ME1: variants seen among roughly 807,000 people sequenced by gnomAD.
ME1 encodes the protein NADP-dependent malic enzyme.
Under a neutral mutation model 66.4 loss-of-function variants are expected in ME1, and 74 were observed. That is an observed-to-expected ratio of 1.11 (90% CI 0.92 to 1.35). The LOEUF (loss-of-function observed/expected upper bound fraction) is 1.35. ME1 is among the 40% of genes most tolerant of loss of function. ME1 has a pLI of 0.00. For synonymous variants in ME1, 251 were observed against 235.6 expected (o/e 1.07, Z -0.60); for missense variants, 750 against 694.1 (o/e 1.08, Z -0.90).
At chr6:83,309,821 C>G (rs1767897995) in intron 6 of ME1, among the ~76,000 whole-genome samples, 1 of 151,974 alleles carries the variant, frequency 6.6e-6, no homozygotes, top group African/African-American at 2.4e-5. Flanking sequence ...AAGGAATAAG[C>G]TGAGGAAAAC....
intron 2 of ME1, among the ~76,000 whole-genome samples, chr6:83,403,452 G>A (rs565425617): frequency 6.6e-6 from 1 of 152,262 alleles, no homozygotes; most frequent in South Asian, 2.1e-4. Context: ...TCACATGAGG[G>A]AAAGGGAAAG....
chr6:83,340,984 C>A lies in ME1; in HGVS notation c.600+5189G>T, dbSNP rs571781736. ...CAACCAGTTTGAATAAGGGCCTAAT[C>A]CTTTTATCTAGTAGCTTAGCGACCA... On this transcript the variant is annotated intron_variant, in intron 5 of 13. Transcript: ENST00000369705. Among the ~76,000 whole-genome samples, 4 of 152,068 alleles carry A rather than the reference C, an allele frequency of 2.6e-5. No individual in the cohort carries two copies. In the South Asian group the frequency reaches 8.3e-4, roughly 32 times the overall value.
In ME1 at chr6:83,216,498, C is replaced by A; in HGVS notation, c.1548G>T (p.Lys516Asn). The A allele has an allele frequency of 6.3e-7, 1 of 1,594,378 alleles. No individual in the cohort carries two copies. The highest frequency in any genetic ancestry group is 8.5e-7 in the Non-Finnish European group (1 of 1,170,636). The change falls in exon 13 of 14, where the codon AAG becomes AAT. Residue 516 changes from lysine (K) to asparagine (N), a missense_variant and splice_region_variant. Lys to Asn is a moderately conservative substitution (Grantham distance 94, BLOSUM62 0). Coordinates refer to ENST00000369705, the MANE Select transcript of ME1 (RefSeq NM_002395.6). Reference sequence around the variant, plus strand: ...GAAGCTTGAACAAGAGTGGTTTTACCTTTTCTGCAATTTTCAGAGAAACAT... The same window carrying A: ...GAAGCTTGAACAAGAGTGGTTTTACATTTTCTGCAATTTTCAGAGAAACAT... Reference protein sequence around the residue: ...IRDVSLKIAEKIVKDAYQEKT... With the variant: ...IRDVSLKIAENIVKDAYQEKT...
chr6:83,276,322 A>G (rs1353734398), intron 6 of ME1, among the ~76,000 whole-genome samples: 1 of 152,220 alleles, frequency 6.6e-6, no homozygotes, highest in African/African-American at 2.4e-5. Context: ...GATAATGTTA[A>G]GCTAGCTGGT....
intron 3 of ME1, among the ~76,000 whole-genome samples, chr6:83,386,268 G>A (rs1357491907): frequency 6.6e-6 from 1 of 151,820 alleles, no homozygotes; most frequent in Non-Finnish European, 1.5e-5. Context: ...ACTATTTGAT[G>A]TTTAAGAGAA....
chr6:83,355,938 G>A (rs767625367), intron 3 of ME1, among the ~76,000 whole-genome samples: 61 of 151,972 alleles, frequency 4.0e-4, no homozygotes, highest in Middle Eastern at 3.4e-3. Context: ...TCCTATTTTT[G>A]TTCTTGTTTC....
chr6:83,226,113 T>C (rs1381999497), intron 11 of ME1, among the ~76,000 whole-genome samples: 1 of 152,052 alleles, frequency 6.6e-6, no homozygotes, highest in Non-Finnish European at 1.5e-5. Flanking sequence ...CTTTCCTTTT[T>C]CTCCAATCCT....
Position 83,382,559 on chromosome 6 carries a change from A to G in ME1, c.362+15808T>C, listed in dbSNP as rs73749799. On this transcript the variant is annotated intron_variant, in intron 3 of 13. Coordinates refer to ENST00000369705, the MANE Select transcript of ME1 (RefSeq NM_002395.6). ...TAGTAGAGCAATATTCCTAAGAAAT[A>G]TCTGCTAGAATTAAGCTCCTCTGAA... Among the ~76,000 whole-genome samples the G allele has an allele frequency of 2.3e-3, 343 of 152,248 alleles. 2 individuals are homozygous for G. The highest frequency in any genetic ancestry group is 7.7e-3 in the African/African-American group (322 of 41,566).
rs537004621 is a variant in ME1 at position 83,388,104 on chromosome 6, G to C, written c.362+10263C>G. 1.0e-2 allele frequency among the ~76,000 whole-genome samples: 669 copies of C among 67,012 alleles called. 13 individuals carry two copies. The highest frequency in any genetic ancestry group is 0.034 in the African/African-American group (633 of 18,778). 44.0% of individuals were successfully genotyped at this position (67,012 alleles called of 152,430 possible). A position where few individuals can be genotyped will look rare whatever the true frequency, so the allele number is the denominator to read the frequency against. On this transcript the variant is annotated intron_variant, in intron 3 of 13. Coordinates refer to ENST00000369705, the MANE Select transcript of ME1 (RefSeq NM_002395.6). ...CTTCCTTCCTTCCTTTTTTTTTTTG[G>C]ACAGGATCTCACTCTGTCCCACAGG...
intron 3 of ME1, among the ~76,000 whole-genome samples, chr6:83,365,902 G>A (rs948652397): frequency 1.3e-5 from 2 of 152,142 alleles, no homozygotes; most frequent in African/African-American, 4.8e-5. Flanking sequence ...CCCTGACACT[G>A]TCAGTCTCTG....
chr6:83,326,042 C>A (rs540174160), intron 5 of ME1, among the ~76,000 whole-genome samples: 3 of 150,832 alleles, frequency 2.0e-5, no homozygotes, highest in Admixed American at 6.6e-5. Context: ...GGTATTGGAA[C>A]CAAAACAGAT....
intron 6 of ME1, among the ~76,000 whole-genome samples, chr6:83,289,981 C>T (rs923795303): frequency 5.9e-5 from 9 of 151,968 alleles, no homozygotes; most frequent in African/African-American, 2.2e-4. Context: ...TGGTGATATC[C>T]CCTTTATCAT....
intron 6 of ME1, among the ~76,000 whole-genome samples, chr6:83,279,073 G>A (rs1328005448): frequency 1.3e-5 from 2 of 152,056 alleles, no homozygotes; most frequent in East Asian, 1.9e-4. Context: ...ACAAATTCTA[G>A]CCTCAAAGTC....
intron 6 of ME1, among the ~76,000 whole-genome samples, chr6:83,306,599 T>C (rs1029798833): frequency 6.6e-6 from 1 of 152,130 alleles, no homozygotes; most frequent in Non-Finnish European, 1.5e-5. Context: ...TAGTTTACTA[T>C]AGGCAGAGAC....
intron 6 of ME1, among the ~76,000 whole-genome samples, chr6:83,284,936 T>C (rs889721636): frequency 4.0e-4 from 61 of 152,168 alleles, no homozygotes; most frequent in Non-Finnish European, 2.2e-4. Flanking sequence ...CCATGGTATA[T>C]ATTTATCACA....
At chr6:83,308,486 A>T (rs1208782802) in intron 6 of ME1, among the ~76,000 whole-genome samples, 2 of 151,646 alleles carry the variant, frequency 1.3e-5, no homozygotes, top group African/African-American at 4.8e-5. Flanking sequence ...GTAAAAAAAA[A>T]AAAAGGATAC....
intron 7 of ME1, 59 bp downstream of exon 7, chr6:83,253,570 A>G (rs1790757935): frequency 2.4e-6 from 2 of 851,020 alleles, no homozygotes; most frequent in Non-Finnish European, 4.0e-6. Flanking sequence ...AATCATTATT[A>G]CAATTATGAA....
At chr6:83,320,017 T>G (rs1215650421) in intron 5 of ME1, among the ~76,000 whole-genome samples, 2 of 152,218 alleles carry the variant, frequency 1.3e-5, no homozygotes, top group African/African-American at 2.4e-5. Flanking sequence ...ACTTTGGACC[T>G]GTTGCTATTA....
At chr6:83,286,242 G>A (rs1767394201) in intron 6 of ME1, among the ~76,000 whole-genome samples, 1 of 152,042 alleles carries the variant, frequency 6.6e-6, no homozygotes, top group Non-Finnish European at 1.5e-5. Flanking sequence ...ATAAATAATT[G>A]TAAGTATCTC....
Sources: gnomAD v4.1 joint callset for allele counts (sites outside exome capture counted in the v4.1 genomes callset) on GRCh38, gnomAD v4.1.1 for gene constraint, MANE v1.5 for transcripts, NCBI Gene and HGNC (gene_info 2026-07-23, HGNC 2026-07-21) for gene names.